MAP4K5: variants seen among roughly 807,000 people sequenced by gnomAD.
The protein encoded by MAP4K5 is MAPK/ERK kinase kinase kinase 5.
Under a neutral mutation model 135.6 loss-of-function variants are expected in MAP4K5, and 82 were observed. The observed-to-expected ratio is 0.60, with a 90% CI of 0.51 to 0.73. The LOEUF (loss-of-function observed/expected upper bound fraction) is 0.73, where lower values mean the gene tolerates loss of function less well. Ranked by LOEUF, MAP4K5 falls within the 30% of genes least tolerant of loss-of-function variation. The pLI is 0.00. For missense variants in MAP4K5, 907 were observed against 1,010.9 expected (o/e 0.90, Z 1.39); for synonymous variants, 347 against 335.0 (o/e 1.04, Z -0.39).
At chr14:50,524,106 G>C (rs2140101011) in intron 2 of MAP4K5, among the ~76,000 whole-genome samples, 1 of 152,240 alleles carries the variant, frequency 6.6e-6, no homozygotes, top group East Asian at 1.9e-4. Flanking sequence ...CTTCTCTGTA[G>C]AATTCCATCT....
At chr14:50,525,908 G>A (rs907184691) in intron 2 of MAP4K5, among the ~76,000 whole-genome samples, 1 of 152,114 alleles carries the variant, frequency 6.6e-6, no homozygotes, top group South Asian at 2.1e-4. Flanking sequence ...GAGTCCATTA[G>A]CTGGTGTTTC....
At chr14:50,471,071 G>C (rs1036423369) in intron 9 of MAP4K5, among the ~76,000 whole-genome samples, 2 of 152,006 alleles carry the variant, frequency 1.3e-5, no homozygotes, top group African/African-American at 4.8e-5. Flanking sequence ...TTTTTACACA[G>C]GTAAATGTGT....
chr14:50,552,771 C>T (rs1438855102), intron 1 of MAP4K5, among the ~76,000 whole-genome samples: 2 of 152,118 alleles, frequency 1.3e-5, no homozygotes, highest in Non-Finnish European at 2.9e-5. Context: ...GGAAAGGATA[C>T]CCTATTCAAT....
chr14:50,468,826 G>T, intron 9 of MAP4K5, 44 bp from the exon 10 acceptor site: 1 of 1,551,388 alleles, frequency 6.4e-7, no homozygotes, highest in South Asian at 1.2e-5. Context: ...GTTAAATATT[G>T]ATCTGAATCT....
At chr14:50,426,264 A>G (rs1201575574) in intron 30 of MAP4K5, among the ~76,000 whole-genome samples, 1 of 152,184 alleles carries the variant, frequency 6.6e-6, no homozygotes, top group Admixed American at 6.5e-5. Context: ...TCTTTCATAC[A>G]AAAGATACAG....
rs373002513 is a variant in MAP4K5, at chr14:50,429,571, T to C, written c.2165-311A>G. On this transcript the variant is annotated intron_variant, in intron 28 of 32. Transcript: ENST00000682126. ...TAAAATATGAGGAGGAAAAGTAACA[T>C]GCATGCTATACACAATGGCTCGATT... Among the ~76,000 whole-genome samples the C allele has an allele frequency of 7.9e-5, 12 of 152,276 alleles. No homozygotes were observed. The East Asian group carries it at 9.6e-4, about 12-fold the overall frequency.
chr14:50,537,028 G>A (rs2038502032), upstream of MAP4K5, among the ~76,000 whole-genome samples: 1 of 152,260 alleles, frequency 6.6e-6, no homozygotes, highest in Non-Finnish European at 1.5e-5. Context: ...AAAGACAATG[G>A]GGAAAATGCC....
chr14:50,440,451 T>C lies in MAP4K5; in HGVS notation c.1565-10A>G. 7.1e-7 allele frequency: 1 copy of C among 1,414,744 alleles called. No individual in the cohort carries two copies. Among genetic ancestry groups the C allele is most frequent in the Non-Finnish European group, 9.8e-7 (1 of 1,022,860 alleles). The allele number at this position is 1,414,744 out of a possible 1,614,324, so 87.6% of individuals were successfully genotyped here. On this transcript the variant is annotated splice_polypyrimidine_tract_variant and intron_variant, in intron 21 of 32. Transcript: ENST00000682126. ...AAAATAATGTACTGATCTAAAATAG[T>C]TGAGATAAATCACCAGAATTTACCA... is the stretch of plus-strand genomic sequence containing the variant.
chr14:50,475,156 A>C lies in MAP4K5; in HGVS notation c.470-7T>G. On this transcript the variant is annotated splice_region_variant and splice_polypyrimidine_tract_variant and intron_variant, in intron 8 of 32. Transcript: ENST00000682126. ...GCAGCCACACCAAAGTCAGCTAGTG[A>C]GGAAAAAAACAGAAAATTTTAGTTC... 1 of 1,613,484 alleles carries C rather than the reference A, an allele frequency of 6.2e-7. No homozygotes were observed. The highest frequency in any genetic ancestry group is 1.1e-5 in the South Asian group (1 of 91,042).
chr14:50,459,281 A>T (rs527956527), intron 13 of MAP4K5, among the ~76,000 whole-genome samples: 1 of 152,212 alleles, frequency 6.6e-6, no homozygotes, highest in Non-Finnish European at 1.5e-5. Flanking sequence ...TATCTTAGTA[A>T]ATAGTAAATA....
chr14:50,420,022 G>A lies in MAP4K5; in HGVS notation c.2538C>T (p.Tyr846=), dbSNP rs550227345. 1.2e-6 allele frequency: 2 copies of A among 1,601,122 alleles called. No homozygotes were observed. Among genetic ancestry groups the A allele is most frequent in the Non-Finnish European group, 1.7e-6 (2 of 1,171,442 alleles). Residue 846 remains tyrosine, a synonymous_variant, in exon 33 of 33, where the codon TAC becomes TAT. Coordinates refer to ENST00000682126, the MANE Select transcript of MAP4K5 (RefSeq NM_006575.6). ...ATTTGAGATCAGTTTCTGTTGCTTAGTAACTATTTTCATGTCCAGCCAAGA... is the reference window on the plus strand; with the variant it reads ...ATTTGAGATCAGTTTCTGTTGCTTAATAACTATTTTCATGTCCAGCCAAGA... ...LYILAGHENS[Y]
chr14:50,560,419 CG>C (rs2038823071), intron 1 of MAP4K5: 1 of 1,326,430 alleles, frequency 7.5e-7, no homozygotes, highest in Admixed American at 2.0e-5. Context: ...GGCTGGGAGA[CG>C]GGCCGTAGCC....
At position 50,531,910 on chromosome 14, in the gene MAP4K5, C is replaced by T. The variant is rs1047939904; in HGVS notation, c.108+32G>A. ...GCCCCATTCCCGGGACCCAGTCGACCGCAGGAAAAAAGCACGGCCAGCCTC... is the reference window on the plus strand; with the variant it reads ...GCCCCATTCCCGGGACCCAGTCGACTGCAGGAAAAAAGCACGGCCAGCCTC... On this transcript the variant is annotated intron_variant, in intron 2 of 32. Coordinates refer to ENST00000682126, the MANE Select transcript of MAP4K5 (RefSeq NM_006575.6). 6 of 1,448,396 alleles carry T rather than the reference C, an allele frequency of 4.1e-6. No individual in the cohort carries two copies. In the African/African-American group the frequency reaches 8.4e-5, roughly 20 times the overall value. 89.7% of individuals were successfully genotyped at this position (1,448,396 alleles called of 1,614,324 possible).
chr14:50,479,456 A>ATTCCTTTG (rs1240324764), intron 6 of MAP4K5, among the ~76,000 whole-genome samples: 4 of 147,618 alleles, frequency 2.7e-5, no homozygotes, highest in African/African-American at 1.1e-4. Flanking sequence ...TCCTTTGTTA[A>ATTCCTTTG]TTCCTTTGTT....
At chr14:50,498,523 A>G (rs1312743721) in intron 3 of MAP4K5, among the ~76,000 whole-genome samples, 1 of 152,160 alleles carries the variant, frequency 6.6e-6, no homozygotes, top group Non-Finnish European at 1.5e-5. Flanking sequence ...GTGCTAACCT[A>G]TTTTCAACTC....
intron 9 of MAP4K5, 63 bp downstream of exon 9, chr14:50,475,014 A>C: frequency 7.7e-7 from 1 of 1,304,642 alleles, no homozygotes; most frequent in Non-Finnish European, 1.1e-6. Context: ...CCAAGTATCG[A>C]GGTTGATCAC....
chr14:50,446,224 GT>G, intron 16 of MAP4K5, 103 bp from the exon 17 acceptor site: 2 of 663,456 alleles, frequency 3.0e-6, no homozygotes, highest in Non-Finnish European at 5.0e-6. Flanking sequence ...TACAGAGGAT[GT>G]AAAAGACAGA....
chr14:50,446,236 T>C lies in MAP4K5; in HGVS notation c.1143-115A>G, dbSNP rs536475232. On this transcript the variant is annotated intron_variant, in intron 16 of 32. Coordinates refer to ENST00000682126, the MANE Select transcript of MAP4K5 (RefSeq NM_006575.6). Reference sequence around the variant, plus strand: ...CTATACAGAGGATGTAAAAGACAGATCACGATGCAGAGTATAAAATCTTTA... The same window carrying C: ...CTATACAGAGGATGTAAAAGACAGACCACGATGCAGAGTATAAAATCTTTA... The C allele has an allele frequency of 1.4e-4, 87 of 611,548 alleles. No homozygotes were observed. The East Asian group carries it at 3.0e-3, about 21-fold the overall frequency. 37.9% of individuals were successfully genotyped at this position (611,548 alleles called of 1,614,324 possible). A position where few individuals can be genotyped will look rare whatever the true frequency, so the allele number is the denominator to read the frequency against.
At chr14:50,517,602 T>C (rs752991720) in intron 2 of MAP4K5, among the ~76,000 whole-genome samples, 2 of 151,916 alleles carry the variant, frequency 1.3e-5, no homozygotes, top group Non-Finnish European at 2.9e-5. Context: ...ATCCTGTCTC[T>C]ACTAAAAATA....
Sources: allele counts gnomAD v4.1 joint callset (sites outside exome capture counted in the v4.1 genomes callset), GRCh38; gene constraint gnomAD v4.1.1; transcripts MANE v1.5; gene names NCBI Gene and HGNC (gene_info 2026-07-23, HGNC 2026-07-21).